The following CYB5R4 variants were observed in gnomAD, a reference collection of about 807,000 sequenced individuals.
CYB5R4 encodes the protein cytochrome b5 reductase 4, also known as N-terminal cytochrome b5 and cytochrome b5 oxidoreductase domain-containing protein.
A neutral mutation model predicts 70.2 loss-of-function variants in CYB5R4; 55 were observed. That is an observed-to-expected ratio of 0.78 (90% CI 0.63 to 0.98). The LOEUF (loss-of-function observed/expected upper bound fraction) is 0.98, where lower values mean the gene tolerates loss of function less well. Ranked by LOEUF, CYB5R4 falls within the 50% of genes least tolerant of loss-of-function variation. The pLI is 0.00. For synonymous variants in CYB5R4, 197 were observed against 199.5 expected, an observed-to-expected ratio of 0.99 and a Z score of 0.11; for missense variants, 562 against 612.6, an observed-to-expected ratio of 0.92 and a Z score of 0.87.
intron 12 of CYB5R4, among the ~76,000 whole-genome samples, chr6:83,937,246 G>T (rs2099469059): frequency 6.6e-6 from 1 of 151,988 alleles, no homozygotes; most frequent in African/African-American, 2.4e-5. Flanking sequence ...CTGTACTCTA[G>T]CCTGGGCAAC....
chr6:83,862,757 A>C (rs996565258), intron 1 of CYB5R4, among the ~76,000 whole-genome samples: 4 of 152,210 alleles, frequency 2.6e-5, no homozygotes, highest in Non-Finnish European at 4.4e-5. Flanking sequence ...TGCTTTAACT[A>C]TCCTGTGGAT....
chr6:83,950,107 A>G (rs1241888104), intron 14 of CYB5R4, among the ~76,000 whole-genome samples: 2 of 152,170 alleles, frequency 1.3e-5, no homozygotes, highest in Non-Finnish European at 2.9e-5. Flanking sequence ...TTGCAAAAAT[A>G]TAGATACTTC....
intron 3 of CYB5R4, among the ~76,000 whole-genome samples, chr6:83,902,397 A>G (rs780719446): frequency 1.3e-5 from 2 of 152,096 alleles, no homozygotes; most frequent in Non-Finnish European, 2.9e-5. Context: ...TTTCATACCA[A>G]TACTGTGCTG....
chr6:83,900,625 G>C (rs1435445731), intron 3 of CYB5R4, among the ~76,000 whole-genome samples: 1 of 152,068 alleles, frequency 6.6e-6, no homozygotes, highest in Non-Finnish European at 1.5e-5. Flanking sequence ...GGTCTCTAAG[G>C]ACTTGTTTTA....
At chr6:83,883,349 T>C (rs2099459749) in intron 2 of CYB5R4, among the ~76,000 whole-genome samples, 1 of 152,156 alleles carries the variant, frequency 6.6e-6, no homozygotes, top group Non-Finnish European at 1.5e-5. Flanking sequence ...ACAAATTTAG[T>C]GAGAGACATA....
intron 4 of CYB5R4, among the ~76,000 whole-genome samples, chr6:83,911,306 G>A (rs944598350): frequency 6.6e-6 from 1 of 151,960 alleles, no homozygotes; most frequent in Non-Finnish European, 1.5e-5. Context: ...GTTATGAAGA[G>A]TTCTGTTTAG....
intron 2 of CYB5R4, among the ~76,000 whole-genome samples, chr6:83,886,201 C>T (rs1469369717): frequency 6.6e-6 from 1 of 152,098 alleles, no homozygotes; most frequent in Non-Finnish European, 1.5e-5. Context: ...GTTCTCTCTT[C>T]CTCTTTTCAT....
intron 5 of CYB5R4, among the ~76,000 whole-genome samples, chr6:83,915,829 A>G (rs1055451366): frequency 1.3e-5 from 2 of 152,144 alleles, no homozygotes; most frequent in South Asian, 2.1e-4. Context: ...TACTATTCCA[A>G]TAGCTGCTTA....
At chr6:83,956,991 G>T (rs1431893184) in intron 15 of CYB5R4, among the ~76,000 whole-genome samples, 1 of 150,368 alleles carries the variant, frequency 6.7e-6, no homozygotes, top group African/African-American at 2.4e-5. Context: ...AGAAAAGATT[G>T]ACCCCCCAAT....
Position 83,963,550 on chromosome 6 carries a change from TC to T in CYB5R4, c.*3673del, listed in dbSNP as rs1392070874. ...AGTAGTTACAGTCTCTTGGTGTCTT[TC>T]AACATTGGTTTTATTTTGAAGTCAT... On this transcript the variant is annotated 3_prime_UTR_variant, in exon 16 of 16. Transcript: ENST00000369681. 6.6e-6 allele frequency: 1 copy of T among 152,240 alleles called. No homozygotes were observed. The highest frequency in any genetic ancestry group is 2.4e-5 in the African/African-American group (1 of 41,454). The allele number at this position is 152,240 out of a possible 1,614,324, so 9.4% of individuals were successfully genotyped here.
intron 10 of CYB5R4, 104 bp downstream of exon 10, chr6:83,924,696 G>A: frequency 8.2e-7 from 1 of 1,215,368 alleles, no homozygotes. Flanking sequence ...GAGCTGAAGG[G>A]TCCTTGTATC....
chr6:83,898,307 T>C (rs2099462260), intron 3 of CYB5R4, among the ~76,000 whole-genome samples: 1 of 152,214 alleles, frequency 6.6e-6, no homozygotes, highest in Non-Finnish European at 1.5e-5. Context: ...GGCTCTGTTC[T>C]GTTCCATTGG....
intron 3 of CYB5R4, among the ~76,000 whole-genome samples, chr6:83,903,186 T>C (rs2099463268): frequency 6.6e-6 from 1 of 152,084 alleles, no homozygotes; most frequent in Non-Finnish European, 1.5e-5. Flanking sequence ...TATTTTGAGG[T>C]ATATTCCTTC....
intron 5 of CYB5R4, 131 bp from the exon 6 acceptor site, chr6:83,917,874 T>G: frequency 1.5e-6 from 1 of 685,434 alleles, no homozygotes; most frequent in Admixed American, 2.7e-5. Context: ...CAAGTGAAAA[T>G]ATATTGAGTA....
At chr6:83,874,095 C>T (rs1364805394) in intron 2 of CYB5R4, among the ~76,000 whole-genome samples, 1 of 148,100 alleles carries the variant, frequency 6.8e-6, no homozygotes, top group Non-Finnish European at 1.5e-5. Flanking sequence ...GACTTCCTTC[C>T]TGCCTGCTTG....
At chr6:83,917,848 G>A (rs1289808931) in intron 5 of CYB5R4, among the ~76,000 whole-genome samples, 157 bp from the exon 6 acceptor site, 1 of 152,042 alleles carries the variant, frequency 6.6e-6, no homozygotes, top group Non-Finnish European at 1.5e-5. Flanking sequence ...CTTTATCACG[G>A]CCTTTTGGCT....
intron 14 of CYB5R4, among the ~76,000 whole-genome samples, chr6:83,940,933 G>A (rs2099469666): frequency 6.6e-6 from 1 of 152,134 alleles, no homozygotes. Context: ...TTATACTGGG[G>A]CTGATAAAAT....
intron 12 of CYB5R4, among the ~76,000 whole-genome samples, chr6:83,938,563 T>C (rs929841682): frequency 6.6e-6 from 1 of 152,252 alleles, no homozygotes; most frequent in Non-Finnish European, 1.5e-5. Context: ...GGACATGTAA[T>C]GTTCAGGTCA....
chr6:83,918,179 C>T (rs1349524343), intron 6 of CYB5R4, 114 bp downstream of exon 6: 1 of 678,398 alleles, frequency 1.5e-6, no homozygotes, highest in Non-Finnish European at 2.6e-6. Context: ...TAGTCATGCT[C>T]TTTGACACAA....
Sources: gnomAD v4.1 joint callset for allele counts (sites outside exome capture counted in the v4.1 genomes callset) on GRCh38, gnomAD v4.1.1 for gene constraint, MANE v1.5 for transcripts, NCBI Gene and HGNC (gene_info 2026-07-23, HGNC 2026-07-21) for gene names.